The following CSMD2 variants were observed in gnomAD, a reference collection of about 807,000 sequenced individuals.
CSMD2 encodes the protein CUB and Sushi multiple domains 2, also known as CUB and sushi domain-containing protein 2.
Under a neutral mutation model 398.5 loss-of-function variants are expected in CSMD2, and 130 were observed. The ratio of observed to expected loss-of-function variants is 0.33; its 90% CI spans 0.28 to 0.38. CSMD2 has a LOEUF of 0.38. Among genes scored for constraint, CSMD2 ranks in the 10% least tolerant of loss-of-function variants. The pLI is 1.00. For synonymous variants in CSMD2, 1,828 were observed against 1,908.5 expected, an observed-to-expected ratio of 0.96 and a Z score of 1.10; for missense variants, 3,829 against 4,764.9, an observed-to-expected ratio of 0.80 and a Z score of 5.78.
chr1:33,905,608 A>T (rs765027173), intron 5 of CSMD2, among the ~76,000 whole-genome samples: 6 of 152,170 alleles, frequency 3.9e-5, no homozygotes, highest in Non-Finnish European at 7.3e-5. Flanking sequence ...AGTGGGATGG[A>T]GTAATAGGGG....
Position 33,624,422 on chromosome 1 carries a change from G to A in CSMD2, c.5625+97C>T. On this transcript the variant is annotated intron_variant, in intron 35 of 70. Transcript: ENST00000373381. This position sits in a 1 kb window ranked among gnomAD's most constrained non-coding sequence, Gnocchi z 4.7. ...TCTCTTCCTGGCTCACCCTGACTCA[G>A]GCCTTGGCACCAGCCAGCACCTGTG... is the stretch of plus-strand genomic sequence containing the variant. 6.7e-7 allele frequency: 1 copy of A among 1,494,006 alleles called. No individual in the cohort carries two copies. Among genetic ancestry groups the A allele is most frequent in the Non-Finnish European group, 9.1e-7 (1 of 1,098,120 alleles). 92.5% of individuals were successfully genotyped at this position (1,494,006 alleles called of 1,614,324 possible). A position where few individuals can be genotyped will look rare whatever the true frequency, so the allele number is the denominator to read the frequency against.
chr1:33,946,801 T>G (rs1332394032), intron 3 of CSMD2, among the ~76,000 whole-genome samples: 1 of 151,710 alleles, frequency 6.6e-6, no homozygotes, highest in African/African-American at 2.4e-5. Flanking sequence ...TTTTTTTTTT[T>G]TTTTGTATTT....
chr1:34,097,264 A>C (rs1659427905), intron 1 of CSMD2, among the ~76,000 whole-genome samples: 1 of 150,978 alleles, frequency 6.6e-6, no homozygotes, highest in African/African-American at 2.5e-5. Context: ...AATCAATTCA[A>C]GATGGATTAA....
At chr1:34,161,586 C>T (rs942253235) in intron 1 of CSMD2, among the ~76,000 whole-genome samples, 1 of 152,152 alleles carries the variant, frequency 6.6e-6, no homozygotes, top group African/African-American at 2.4e-5. Context: ...AAAGTGGCCA[C>T]AGCCACAGAG....
At chr1:33,708,992 G>A in intron 22 of CSMD2, 97 bp downstream of exon 22, 2 of 1,138,102 alleles carry the variant, frequency 1.8e-6, no homozygotes, top group Non-Finnish European at 2.5e-6. Flanking sequence ...AGGAAGGAAG[G>A]AGAAAGTTTG....
At chr1:33,549,876 T>C (rs982022539) in intron 56 of CSMD2, among the ~76,000 whole-genome samples, 1 of 152,080 alleles carries the variant, frequency 6.6e-6, no homozygotes, top group African/African-American at 2.4e-5. Context: ...ACTCATAAAA[T>C]CAAGTGTCTG....
intron 53 of CSMD2, 65 bp downstream of exon 53, chr1:33,567,524 TAAGA>T: frequency 6.8e-7 from 1 of 1,477,274 alleles, no homozygotes; most frequent in Non-Finnish European, 9.4e-7. Context: ...CTAATCTAAT[TAAGA>T]GACAGGGAGA....
intron 29 of CSMD2, among the ~76,000 whole-genome samples, chr1:33,642,101 C>T (rs761547381): frequency 2.6e-5 from 4 of 152,028 alleles, no homozygotes; most frequent in Admixed American, 6.6e-5. Flanking sequence ...CTGTATCACA[C>T]TTTGGGAGGC....
chr1:33,952,024 G>T (rs1330007801), intron 3 of CSMD2, among the ~76,000 whole-genome samples: 1 of 152,192 alleles, frequency 6.6e-6, no homozygotes, highest in African/African-American at 2.4e-5. Flanking sequence ...GAGCCAAGTG[G>T]TCCAGTGTGC....
At chr1:33,837,199 A>C (rs10753292) in intron 6 of CSMD2, among the ~76,000 whole-genome samples, 48,020 of 152,010 alleles carry the variant, frequency 0.32, 8,830 homozygotes, top group African/African-American at 0.5. Flanking sequence ...AAATAAGCTC[A>C]TTGAAGAGCT....
At chr1:34,151,063 A>G (rs1640271257) in intron 1 of CSMD2, among the ~76,000 whole-genome samples, 1 of 152,158 alleles carries the variant, frequency 6.6e-6, no homozygotes, top group East Asian at 1.9e-4. Flanking sequence ...TCCCTCGAAG[A>G]TATTCTACCT....
chr1:33,605,723 G>A (rs1321629035), intron 41 of CSMD2: 5 of 786,550 alleles, frequency 6.4e-6, no homozygotes, highest in African/African-American at 5.3e-5. Flanking sequence ...TGAAAGCTCA[G>A]TAAATAGTAT....
chr1:33,546,736 T>G (rs1020274262), intron 56 of CSMD2, among the ~76,000 whole-genome samples: 10 of 152,052 alleles, frequency 6.6e-5, no homozygotes, highest in African/African-American at 2.2e-4. Context: ...GACCTTTTTT[T>G]TTTTCAAAAA....
At chr1:33,837,035 C>T (rs373501940) in intron 6 of CSMD2, among the ~76,000 whole-genome samples, 1 of 152,246 alleles carries the variant, frequency 6.6e-6, no homozygotes, top group African/African-American at 2.4e-5. Flanking sequence ...TAAGACATCA[C>T]TTCCAGATGC....
At chr1:34,145,205 G>A (rs1639658049) in intron 1 of CSMD2, among the ~76,000 whole-genome samples, 3 of 152,254 alleles carry the variant, frequency 2.0e-5, no homozygotes. Flanking sequence ...CTAAGAAGAT[G>A]CCTTTTCCCA....
At chr1:33,671,590 G>A (rs937321501) in intron 25 of CSMD2, among the ~76,000 whole-genome samples, 10 of 151,954 alleles carry the variant, frequency 6.6e-5, no homozygotes, top group African/African-American at 2.2e-4. Flanking sequence ...CCACACCCAC[G>A]CCCCCACCAA....
intron 6 of CSMD2, among the ~76,000 whole-genome samples, chr1:33,845,449 G>C (rs1198057512): frequency 1.3e-5 from 2 of 152,202 alleles, no homozygotes; most frequent in African/African-American, 2.4e-5. Context: ...GCCCATTGCT[G>C]GCATCAAACC....
chr1:33,983,879 G>A (rs1646256357), intron 3 of CSMD2, among the ~76,000 whole-genome samples: 1 of 152,176 alleles, frequency 6.6e-6, no homozygotes, highest in African/African-American at 2.4e-5. Flanking sequence ...TAGGCCGGGT[G>A]CAGTGGCTCA....
chr1:33,611,067 C>G lies in CSMD2; in HGVS notation c.6317G>C (p.Arg2106Pro). 1 of 1,613,888 alleles carries G rather than the reference C, an allele frequency of 6.2e-7. No homozygotes were observed. Among genetic ancestry groups the G allele is most frequent in the Non-Finnish European group, 8.5e-7 (1 of 1,180,000 alleles). Residue 2106 changes from arginine (R) to proline (P), a missense_variant, in exon 41 of 71, where the codon CGG becomes CCG. Physicochemically the swap from Arg to Pro is moderately radical, Grantham distance 103. This residue lies in a region of CSMD2 where 2,001 missense variants were observed against 2,567.1 expected (regional missense o/e 0.78). Transcript: ENST00000373381. ...CTGATACTCCAGCTTGAATCCTGGC[C>G]GATTCTGGGAGTGGTCGCTGTGGAA... ...VYFHSDHSQN[R>P]PGFKLEYQAY...
Sources: allele counts gnomAD v4.1 joint callset (sites outside exome capture counted in the v4.1 genomes callset), GRCh38; gene constraint gnomAD v4.1.1; regional missense constraint gnomAD v4.1.1; non-coding constraint Gnocchi (gnomAD v3.1); transcripts MANE v1.5; gene names NCBI Gene and HGNC (gene_info 2026-07-23, HGNC 2026-07-21).